TNFSF10: variants seen among roughly 807,000 people sequenced by gnomAD.
TNFSF10 encodes TNF superfamily member 10, also known as tumor necrosis factor ligand superfamily member 10.
Under a neutral mutation model 29.5 loss-of-function variants are expected in TNFSF10, and 13 were observed. The ratio of observed to expected loss-of-function variants is 0.44; its 90% CI spans 0.29 to 0.70. TNFSF10 has a LOEUF of 0.70. TNFSF10 is among the 30% of genes least tolerant of loss of function. The pLI, the probability that TNFSF10 is intolerant of heterozygous loss-of-function variation, is 0.13. For synonymous variants in TNFSF10, 111 were observed against 112.8 expected (o/e 0.98, Z 0.10); for missense variants, 345 against 330.9 (o/e 1.04, Z -0.33).
intron 1 of TNFSF10, among the ~76,000 whole-genome samples, chr3:172,521,371 C>A (rs571901173): frequency 5.9e-5 from 9 of 152,256 alleles, no homozygotes; most frequent in Admixed American, 3.9e-4. Context: ...AAGAAAAAAA[C>A]CACATCAAAA....
chr3:172,522,623 T>C (rs1220100586), intron 1 of TNFSF10, among the ~76,000 whole-genome samples: 2 of 152,218 alleles, frequency 1.3e-5, no homozygotes, highest in Non-Finnish European at 2.9e-5. Flanking sequence ...CTTGTTATAA[T>C]ATAAAAAAGG....
chr3:172,514,001 G>A (rs1713333641), intron 2 of TNFSF10, among the ~76,000 whole-genome samples: 1 of 152,040 alleles, frequency 6.6e-6, no homozygotes, highest in Non-Finnish European at 1.5e-5. Context: ...ACCACACTTT[G>A]CTAATTTTTG....
chr3:172,523,229 C>T lies in TNFSF10; in HGVS notation c.132+24G>A, dbSNP rs1204071135. 1.9e-6 allele frequency: 3 copies of T among 1,566,894 alleles called. No individual in the cohort carries two copies. In the South Asian group the frequency reaches 3.5e-5, roughly 18 times the overall value. On this transcript the variant is annotated intron_variant, in intron 1 of 4. Transcript: ENST00000241261. Reference sequence around the variant, plus strand: ...AGACATTTGCTAAGCGCCTCGAAGACTGAGTGCACTGCACTGCACTGACCT... The same window carrying T: ...AGACATTTGCTAAGCGCCTCGAAGATTGAGTGCACTGCACTGCACTGACCT...
At chr3:172,507,021 G>T in intron 4 of TNFSF10, 102 bp from the exon 5 acceptor site, 1 of 1,020,046 alleles carries the variant, frequency 9.8e-7, no homozygotes, top group Non-Finnish European at 1.4e-6. Context: ...TGTTGGGCTT[G>T]CCAGGGATTT....
At chr3:172,518,003 T>C in intron 1 of TNFSF10, 4 of 986,960 alleles carry the variant, frequency 4.1e-6, no homozygotes, top group Non-Finnish European at 4.8e-6. Flanking sequence ...CCAATGCTGG[T>C]GACTAGACAC....
rs1157939596 is a variant in TNFSF10 at position 172,505,552 on chromosome 3, T to A, written c.*940A>T. ...AGAAATTTATTTCTTCTGTAATATG[T>A]GTCAAAGATATTATGAAAAAAAGAT... On this transcript the variant is annotated 3_prime_UTR_variant, in exon 5 of 5. Coordinates refer to ENST00000241261, the MANE Select transcript of TNFSF10 (RefSeq NM_003810.4). The A allele has an allele frequency of 1.3e-5, 2 of 152,078 alleles. No individual in the cohort carries two copies. Among genetic ancestry groups the A allele is most frequent in the Admixed American group, 6.6e-5 (1 of 15,264 alleles). 9.4% of individuals were successfully genotyped at this position (152,078 alleles called of 1,614,324 possible). A position where few individuals can be genotyped will look rare whatever the true frequency, so the allele number is the denominator to read the frequency against.
At chr3:172,507,723 G>C (rs1713043856) in intron 4 of TNFSF10, among the ~76,000 whole-genome samples, 2 of 152,068 alleles carry the variant, frequency 1.3e-5, no homozygotes, top group South Asian at 4.1e-4. Flanking sequence ...TAAAACATGA[G>C]TCCAAGAATG....
chr3:172,521,926 C>T (rs1713714057), intron 1 of TNFSF10, among the ~76,000 whole-genome samples: 1 of 152,158 alleles, frequency 6.6e-6, no homozygotes, highest in Non-Finnish European at 1.5e-5. Flanking sequence ...CCATCATTCT[C>T]AGCAAACTAA....
In TNFSF10 at chr3:172,515,016, A is replaced by G; in HGVS notation, c.133-18T>C. 6.2e-7 allele frequency: 1 copy of G among 1,613,592 alleles called. No individual in the cohort carries two copies. Among genetic ancestry groups the G allele is most frequent in the African/African-American group, 1.3e-5 (1 of 75,006 alleles). On this transcript the variant is annotated intron_variant, in intron 1 of 4. Coordinates refer to ENST00000241261, the MANE Select transcript of TNFSF10 (RefSeq NM_003810.4). ...TCCTGCATCTGGGTTGAGATGGAAT[A>G]TAACACAATATTTTGCATAAGTGCT...
rs560985065 is a variant in TNFSF10 at position 172,515,339 on chromosome 3, A to G, written c.133-341T>C. 9.9e-5 allele frequency among the ~76,000 whole-genome samples: 15 copies of G among 152,230 alleles called. No homozygotes were observed. The South Asian group carries it at 3.1e-3, about 32-fold the overall frequency. ...GTTTATAGTTTTGAGCCGGTTCACT[A>G]TGGTGATTCTGAGGTCTCTTCCAGT... is the stretch of plus-strand genomic sequence containing the variant. On this transcript the variant is annotated intron_variant, in intron 1 of 4. Coordinates refer to ENST00000241261, the MANE Select transcript of TNFSF10 (RefSeq NM_003810.4).
rs1310299828 is a variant in TNFSF10 at position 172,522,578 on chromosome 3, T to C, written c.132+675A>G. 8.4e-6 allele frequency: 4 copies of C among 476,266 alleles called. No homozygotes were observed. The Admixed American group carries it at 1.4e-4, about 17-fold the overall frequency. The allele number at this position is 476,266 out of a possible 1,614,324, so 29.5% of individuals were successfully genotyped here. Reference sequence around the variant, plus strand: ...CTCTTTTATTTATTCATGGCTACAGTGTAAGCTCCAGTCCCTTTGGATTTT... The same window carrying C: ...CTCTTTTATTTATTCATGGCTACAGCGTAAGCTCCAGTCCCTTTGGATTTT... On this transcript the variant is annotated intron_variant, in intron 1 of 4. Coordinates refer to ENST00000241261, the MANE Select transcript of TNFSF10 (RefSeq NM_003810.4).
At chr3:172,518,489 T>A in intron 1 of TNFSF10, 2 of 1,285,358 alleles carry the variant, frequency 1.6e-6, no homozygotes, top group Non-Finnish European at 2.0e-6. Flanking sequence ...AAAGGATCAT[T>A]TATGGAGATC....
At chr3:172,509,018 G>T in intron 4 of TNFSF10, 199 bp downstream of exon 4, 1 of 376,000 alleles carries the variant, frequency 2.7e-6, no homozygotes, top group Non-Finnish European at 4.7e-6. Flanking sequence ...TTTTCCTGAG[G>T]CCAGTTATGT....
rs762182115 is a variant in TNFSF10 at position 172,511,614 on chromosome 3, T to A, written c.313+3A>T. On this transcript the variant is annotated splice_donor_region_variant and intron_variant, in intron 3 of 4. Coordinates refer to ENST00000241261, the MANE Select transcript of TNFSF10 (RefSeq NM_003810.4). The stretch of plus-strand genomic sequence containing the variant: ...ATTAAAATAACAACAAAAAAGATAC[T>A]ACCTTGAACTGTAGAAATGGTTTCC... 8 of 1,605,328 alleles carry A rather than the reference T, an allele frequency of 5.0e-6. No homozygotes were observed. Among genetic ancestry groups the A allele is most frequent in the Non-Finnish European group, 6.8e-6 (8 of 1,176,502 alleles).
At chr3:172,511,323 T>C (rs1577011216) in intron 3 of TNFSF10, 1 of 257,388 alleles carries the variant, frequency 3.9e-6, no homozygotes. Flanking sequence ...TGTAACACAT[T>C]AGAAGGTAGA....
At chr3:172,518,348 C>G in intron 1 of TNFSF10, 1 of 1,274,666 alleles carries the variant, frequency 7.8e-7, no homozygotes, top group Non-Finnish European at 1.0e-6. Context: ...CCAGGGTCAA[C>G]CAGTCCTTGA....
At chr3:172,512,180 G>T (rs1713252123) in intron 2 of TNFSF10, among the ~76,000 whole-genome samples, 1 of 152,134 alleles carries the variant, frequency 6.6e-6, no homozygotes. Context: ...AGCCTATCGA[G>T]GTATAACCTG....
At chr3:172,520,773 A>C (rs2108450951) in intron 1 of TNFSF10, among the ~76,000 whole-genome samples, 1 of 152,296 alleles carries the variant, frequency 6.6e-6, no homozygotes, top group Non-Finnish European at 1.5e-5. Flanking sequence ...TGAGTCAAGA[A>C]CTGTAACTCC....
In TNFSF10 at chr3:172,523,401, G is replaced by A. The variant is rs768050600; in HGVS notation, c.-17C>T. On this transcript the variant is annotated 5_prime_UTR_variant, in exon 1 of 5. Coordinates refer to ENST00000241261, the MANE Select transcript of TNFSF10 (RefSeq NM_003810.4). ...CATAGCCATGATCCTGTCAGAGTCT[G>A]ACTGCTGTAAGTCAGCCAGGCAGCC... is the stretch of plus-strand genomic sequence containing the variant. 2 of 1,606,002 alleles carry A rather than the reference G, an allele frequency of 1.2e-6. No individual in the cohort carries two copies. Among genetic ancestry groups the A allele is most frequent in the South Asian group, 2.2e-5 (2 of 90,618 alleles).
Sources: allele counts gnomAD v4.1 joint callset (sites outside exome capture counted in the v4.1 genomes callset), GRCh38; gene constraint gnomAD v4.1.1; transcripts MANE v1.5; gene names NCBI Gene and HGNC (gene_info 2026-07-23, HGNC 2026-07-21).